Variants in MTX1 observed in about 807,000 individuals in gnomAD.
MTX1 encodes the protein metaxin 1.
MTX1 carries 20 observed loss-of-function variants against 39.4 expected under a neutral mutation model. The observed-to-expected ratio is 0.51, with a 90% CI of 0.36 to 0.74. The LOEUF is 0.74. Among genes scored for constraint, MTX1 ranks in the 30% least tolerant of loss-of-function variants. MTX1 has a pLI of 0.00. For synonymous variants in MTX1, 209 were observed against 198.6 expected, an observed-to-expected ratio of 1.05 and a Z score of -0.44; for missense variants, 481 against 485.9, an observed-to-expected ratio of 0.99 and a Z score of 0.10.
intron 6 of MTX1, among the ~76,000 whole-genome samples, 181 bp downstream of exon 6, chr1:155,212,951 A>G (rs1671179974): frequency 1.3e-5 from 2 of 151,802 alleles, no homozygotes; most frequent in African/African-American, 2.4e-5. Context: ...CAGAGGTACA[A>G]AAGGGTAGGG....
rs757592720 is a variant in MTX1, at chr1:155,209,018, C to G, written c.214C>G (p.Leu72Val). 3 of 1,582,434 alleles carry G rather than the reference C, an allele frequency of 1.9e-6. No individual in the cohort carries two copies. In the African/African-American group the frequency reaches 4.0e-5, roughly 21 times the overall value. ...TCCGAGGCGCGCCGGGCCGACAGCGCTGTCCCGCTACGTGGGCCACCTCTG... is the reference window on the plus strand; with the variant it reads ...TCCGAGGCGCGCCGGGCCGACAGCGGTGTCCCGCTACGTGGGCCACCTCTG... ...DSPRRAGPTA[L>V]SRYVGHLWMG... is the part of the protein sequence containing the mutation. The change falls in exon 1 of 8, where the codon CTG (leucine) becomes GTG (valine). Residue 72 changes from leucine to valine, a missense_variant. Physicochemically the swap from Leu to Val is conservative, Grantham distance 32. Coordinates refer to ENST00000368376, the MANE Select transcript of MTX1 (RefSeq NM_002455.5).
Position 155,213,214 on chromosome 1 carries a change from C to T in MTX1, c.1032-23C>T, listed in dbSNP as rs752195860. 7 of 495,386 alleles carry T rather than the reference C, an allele frequency of 1.4e-5. 1 individual carries two copies. The highest frequency in any genetic ancestry group is 1.1e-5 in the Non-Finnish European group (3 of 278,726). 30.7% of individuals were successfully genotyped at this position (495,386 alleles called of 1,614,324 possible). ...TCTACCCCAGTGGTTCTCCTCCATC[C>T]CACCCTTCTCTCTCTGCTCCAGCCC... On this transcript the variant is annotated intron_variant, in intron 6 of 7. Transcript: ENST00000368376.
chr1:155,212,973 C>T (rs1671180779), intron 6 of MTX1, among the ~76,000 whole-genome samples: 1 of 152,098 alleles, frequency 6.6e-6, no homozygotes, highest in East Asian at 1.9e-4. Flanking sequence ...GGGAGGGCAG[C>T]CAGGCACAGG....
In MTX1 at chr1:155,210,339, C is replaced by A; in HGVS notation, c.529-7C>A. The A allele has an allele frequency of 6.2e-7, 1 of 1,613,592 alleles. No homozygotes were observed. The highest frequency in any genetic ancestry group is 8.5e-7 in the Non-Finnish European group (1 of 1,179,500). ...TGCCTCTCTGACTTCTGCTTCCTTC[C>A]CTGCAGACCTATGCCAGATTTACTG... On this transcript the variant is annotated splice_polypyrimidine_tract_variant and splice_region_variant and intron_variant, in intron 1 of 7. Coordinates refer to ENST00000368376, the MANE Select transcript of MTX1 (RefSeq NM_002455.5).
intron 1 of MTX1, among the ~76,000 whole-genome samples, chr1:155,209,638 C>G (rs1671018349): frequency 6.6e-6 from 1 of 152,082 alleles, no homozygotes; most frequent in Admixed American, 6.6e-5. Flanking sequence ...TTTCTCCATT[C>G]GGAGGTTTAC....
Position 155,210,406 on chromosome 1 carries a change from A to T in MTX1, c.589A>T (p.Ser197Cys). 6.2e-7 allele frequency: 1 copy of T among 1,614,176 alleles called. No individual in the cohort carries two copies. Among genetic ancestry groups the T allele is most frequent in the Middle Eastern group, 1.6e-4 (1 of 6,062 alleles). Reference sequence around the variant, plus strand: ...ACACAAGATCAGCAACCCCTGGCAGAGCCCTTCAGGTACCCAGTATCCCTT... The same window carrying T: ...ACACAAGATCAGCAACCCCTGGCAGTGCCCTTCAGGTACCCAGTATCCCTT... ...KVHKISNPWQ[S>C]PSGTLPALRT... is the part of the protein sequence containing the mutation. Residue 197 changes from serine to cysteine, a missense_variant, in exon 2 of 8, where the codon AGC becomes TGC. Physicochemically the swap from Ser to Cys is moderately radical, Grantham distance 112. Around this residue, in one of 2 missense-constraint regions of MTX1, gnomAD observed 368 missense variants for 332.8 expected, o/e 1.11. Transcript: ENST00000368376.
chr1:155,209,439 G>C lies in MTX1; in HGVS notation c.528+107G>C, dbSNP rs2148051432. The C allele has an allele frequency of 3.2e-6, 4 of 1,241,886 alleles. No individual in the cohort carries two copies. In the South Asian group the frequency reaches 9.4e-5, roughly 29 times the overall value. 76.9% of individuals were successfully genotyped at this position (1,241,886 alleles called of 1,614,324 possible). A position where few individuals can be genotyped will look rare whatever the true frequency, so the allele number is the denominator to read the frequency against. ...AGGGCTACTCAGCACGGGCGCAGTG[G>C]GGGAAACTGAGGCAGTCAAAGAGCG... On this transcript the variant is annotated intron_variant, in intron 1 of 7. Transcript: ENST00000368376.
At chr1:155,212,595 T>G in intron 5 of MTX1, 28 bp downstream of exon 5, 2 of 1,603,418 alleles carry the variant, frequency 1.2e-6, no homozygotes, top group Non-Finnish European at 1.7e-6. Context: ...GGCTATTGTA[T>G]GAGATGAGCC....
At chr1:155,212,617 G>C (rs1179022771) in intron 5 of MTX1, 50 bp downstream of exon 5, 1 of 1,607,296 alleles carries the variant, frequency 6.2e-7, no homozygotes, top group South Asian at 1.1e-5. Flanking sequence ...CAAGGATGCT[G>C]GCCAGGAATG....
intron 3 of MTX1, chr1:155,211,908 G>A (rs956732153): frequency 7.4e-5 from 32 of 430,972 alleles, no homozygotes; most frequent in African/African-American, 6.1e-4. Flanking sequence ...TTGGGCGCTG[G>A]ACCTTCACGG....
intron 3 of MTX1, chr1:155,211,876 G>A: frequency 2.8e-6 from 1 of 357,882 alleles, no homozygotes. Context: ...GTTTGCGGCG[G>A]AGCCTTCCTT....
In MTX1 at chr1:155,213,572, G is replaced by T. The variant is rs1436350128; in HGVS notation, c.1275G>T (p.Leu425=). The part of the protein sequence containing the change: ...YRRRNQILSV[L]AGLAAMVGYA... The stretch of plus-strand genomic sequence containing the variant: ...GCCGGAACCAGATCCTATCTGTGCT[G>T]GCAGGACTGGCAGCCATGGTGGGCT... Residue 425 remains leucine (L), a synonymous_variant, in exon 8 of 8, where the codon CTG becomes CTT. Coordinates refer to ENST00000368376, the MANE Select transcript of MTX1 (RefSeq NM_002455.5). 1 of 114,328 alleles carries T rather than the reference G, an allele frequency of 8.7e-6. No homozygotes were observed. The highest frequency in any genetic ancestry group is 1.5e-5 in the Non-Finnish European group (1 of 67,460). 7.1% of individuals were successfully genotyped at this position (114,328 alleles called of 1,614,324 possible).
chr1:155,209,436 G>C, intron 1 of MTX1, 104 bp downstream of exon 1: 2 of 1,264,200 alleles, frequency 1.6e-6, no homozygotes, highest in Admixed American at 3.6e-5. Flanking sequence ...CACGGGCGCA[G>C]TGGGGGAAAC....
intron 3 of MTX1, chr1:155,210,890 T>A: frequency 3.9e-6 from 2 of 512,876 alleles, no homozygotes; most frequent in Non-Finnish European, 7.0e-6. Context: ...AGTTGGCCTC[T>A]GATGGTGGGA....
Position 155,209,599 on chromosome 1 carries a change from G to A in MTX1, c.528+267G>A, listed in dbSNP as rs1671015205. On this transcript the variant is annotated intron_variant, in intron 1 of 7. Transcript: ENST00000368376. The stretch of plus-strand genomic sequence containing the variant: ...ATCCATTCACTGGCTGTGTGACCTT[G>A]CGGAGATCCTTTCTCTTTGGGCATT... Among the ~76,000 whole-genome samples, 2 of 152,226 alleles carry A rather than the reference G, an allele frequency of 1.3e-5. 1 individual carries two copies. Among genetic ancestry groups the A allele is most frequent in the South Asian group, 4.1e-4 (2 of 4,830 alleles).
chr1:155,212,968 G>A (rs1671180677), intron 6 of MTX1, among the ~76,000 whole-genome samples, 198 bp downstream of exon 6: 1 of 151,784 alleles, frequency 6.6e-6, no homozygotes, highest in Admixed American at 6.5e-5. Flanking sequence ...AGGGTGGGAG[G>A]GCAGCCAGGC....
At chr1:155,209,942 T>C (rs746753928) in intron 1 of MTX1, among the ~76,000 whole-genome samples, 23 of 152,212 alleles carry the variant, frequency 1.5e-4, no homozygotes, top group Admixed American at 9.8e-4. Flanking sequence ...GAAAGGCAGA[T>C]AGGTAAGCAA....
chr1:155,210,308 T>C (rs758591041), intron 1 of MTX1, 38 bp from the exon 2 acceptor site: 1 of 1,565,656 alleles, frequency 6.4e-7, no homozygotes, highest in Non-Finnish European at 8.8e-7. Flanking sequence ...GTGGGGGACA[T>C]GGCTCTGCCT....
chr1:155,209,486 G>A (rs1050658720), intron 1 of MTX1, among the ~76,000 whole-genome samples, 154 bp downstream of exon 1: 3 of 152,246 alleles, frequency 2.0e-5, no homozygotes, highest in African/African-American at 7.2e-5. Context: ...TATGGCCTCA[G>A]TGCCCTATGC....
Sources: allele counts gnomAD v4.1 joint callset (sites outside exome capture counted in the v4.1 genomes callset), GRCh38; gene constraint gnomAD v4.1.1; regional missense constraint gnomAD v4.1.1; transcripts MANE v1.5; gene names NCBI Gene and HGNC (gene_info 2026-07-23, HGNC 2026-07-21).